Variants in MAST4 observed in about 807,000 individuals in gnomAD.
The protein encoded by MAST4 is microtubule-associated serine/threonine-protein kinase 4.
Under a neutral mutation model 162.7 loss-of-function variants are expected in MAST4, and 89 were observed. That is an observed-to-expected ratio of 0.55 (90% CI 0.46 to 0.65). The LOEUF (loss-of-function observed/expected upper bound fraction) is 0.65. MAST4 is among the 30% of genes least tolerant of loss of function. MAST4 has a pLI of 0.00. For missense variants in MAST4, 3,153 were observed against 3,374.0 expected (o/e 0.93, Z 1.62); for synonymous variants, 1,479 against 1,361.1 (o/e 1.09, Z -1.91).
At chr5:66,843,425 T>C (rs1267698313) in intron 3 of MAST4, among the ~76,000 whole-genome samples, 5 of 152,176 alleles carry the variant, frequency 3.3e-5, no homozygotes, top group Admixed American at 2.0e-4. Context: ...TTCAGAATCC[T>C]TTTTTTCTCT....
At chr5:66,973,778 C>T (rs1272935492) in intron 4 of MAST4, among the ~76,000 whole-genome samples, 1 of 152,134 alleles carries the variant, frequency 6.6e-6, no homozygotes, top group Non-Finnish European at 1.5e-5. Flanking sequence ...CCTCCTTTCT[C>T]TCCCTTCATT....
chr5:66,997,440 T>A (rs1349238120), intron 4 of MAST4, among the ~76,000 whole-genome samples: 1 of 150,884 alleles, frequency 6.6e-6, no homozygotes, highest in African/African-American at 2.4e-5. Context: ...TCTCTTTTTT[T>A]TTTTTTTTTG....
At chr5:66,844,378 T>C (rs1286269163) in intron 3 of MAST4, among the ~76,000 whole-genome samples, 1 of 152,158 alleles carries the variant, frequency 6.6e-6, no homozygotes, top group Non-Finnish European at 1.5e-5. Context: ...GTTGATTTCT[T>C]GGAGCATCTT....
intron 1 of MAST4, among the ~76,000 whole-genome samples, chr5:66,603,374 G>T: frequency 6.6e-6 from 1 of 150,978 alleles, no homozygotes; most frequent in Middle Eastern, 3.4e-3. Context: ...ATTACTAGCT[G>T]CACCCAGAGA....
chr5:67,082,263 C>T (rs1236933960), intron 5 of MAST4, among the ~76,000 whole-genome samples: 26 of 151,874 alleles, frequency 1.7e-4, no homozygotes. Flanking sequence ...ATTCTTCTGC[C>T]TCAGCCTCCT....
intron 3 of MAST4, among the ~76,000 whole-genome samples, chr5:66,877,918 A>G (rs1761413351): frequency 6.6e-6 from 1 of 152,240 alleles, no homozygotes; most frequent in South Asian, 2.1e-4. Flanking sequence ...TGAAATTGCT[A>G]GAGGTATCAG....
intron 5 of MAST4, among the ~76,000 whole-genome samples, chr5:67,069,287 G>GAGATATATATATATATATATATATAT (rs138978370): frequency 2.8e-5 from 3 of 107,634 alleles, no homozygotes; most frequent in African/African-American, 1.2e-4. Context: ...GAGGAGATTG[G>GAGATATATATATATATATATATATAT]ATATATATAT....
chr5:66,837,890 ATATATTTTTTTTT>A (rs1363119590), intron 3 of MAST4, among the ~76,000 whole-genome samples: 54 of 28,056 alleles, frequency 1.9e-3, no homozygotes, highest in African/African-American at 8.5e-3. Context: ...ATATATATAT[ATATATTTTTTTTT>A]TTTTTTTTTT....
intron 4 of MAST4, among the ~76,000 whole-genome samples, chr5:67,032,504 A>C (rs752175217): frequency 2.6e-5 from 4 of 152,154 alleles, no homozygotes; most frequent in Admixed American, 6.6e-5. Context: ...TGCAGTGCCT[A>C]GTAGGAGAGC....
At chr5:66,667,889 A>G (rs1747362815) in intron 1 of MAST4, among the ~76,000 whole-genome samples, 1 of 152,214 alleles carries the variant, frequency 6.6e-6, no homozygotes, top group Non-Finnish European at 1.5e-5. Context: ...AAAAATATTA[A>G]GGGCCAGGGT....
intron 4 of MAST4, among the ~76,000 whole-genome samples, chr5:66,959,585 G>A (rs1745748883): frequency 6.6e-6 from 1 of 152,180 alleles, no homozygotes; most frequent in Non-Finnish European, 1.5e-5. Context: ...GTAGGCCATG[G>A]TGTATCTGTC....
chr5:67,048,555 T>C (rs2150524362), intron 4 of MAST4, among the ~76,000 whole-genome samples: 1 of 152,162 alleles, frequency 6.6e-6, no homozygotes, highest in South Asian at 2.1e-4. Context: ...TAGATATACA[T>C]AAATAGTCAG....
At chr5:66,910,729 G>GTTTTTTTTTTTCTT (rs527937970) in intron 4 of MAST4, among the ~76,000 whole-genome samples, 1 of 112,816 alleles carries the variant, frequency 8.9e-6, no homozygotes, top group Non-Finnish European at 1.7e-5. Flanking sequence ...TACACATGTG[G>GTTTTTTTTTTTCTT]TTTTTTTTTT....
At chr5:66,738,013 C>T (rs1257813096) in intron 1 of MAST4, 1 of 152,202 alleles carries the variant, frequency 6.6e-6, no homozygotes, top group Non-Finnish European at 1.5e-5. Flanking sequence ...CCTCAGAACT[C>T]ATTATGCTGG....
intron 4 of MAST4, among the ~76,000 whole-genome samples, chr5:66,926,720 G>GT (rs970742932): frequency 1.2e-4 from 18 of 151,784 alleles, no homozygotes; most frequent in Admixed American, 3.3e-4. Context: ...TACATTGATA[G>GT]TTTTTTGTTG....
intron 4 of MAST4, among the ~76,000 whole-genome samples, chr5:66,905,473 A>C (rs1763296117): frequency 6.6e-6 from 1 of 152,174 alleles, no homozygotes; most frequent in South Asian, 2.1e-4. Flanking sequence ...TGCTTATTTT[A>C]ATTAACTGAT....
In MAST4 at chr5:67,134,707, T is replaced by G. The variant is rs1187678299; in HGVS notation, c.2392+19T>G. ...ATCAGTGGTAAATATCATCAGGAGT[T>G]ATCTTTAGGTCACTGTTGGGAAGCA... On this transcript the variant is annotated intron_variant, in intron 18 of 28. Coordinates refer to ENST00000403625, the MANE Select transcript of MAST4 (RefSeq NM_001164664.2). 3.8e-6 allele frequency: 6 copies of G among 1,596,260 alleles called. No individual in the cohort carries two copies. The highest frequency in any genetic ancestry group is 1.7e-5 in the Admixed American group (1 of 59,074).
chr5:67,155,580 C>T (rs1427296893), intron 26 of MAST4, among the ~76,000 whole-genome samples: 4 of 152,110 alleles, frequency 2.6e-5, no homozygotes, highest in African/African-American at 9.7e-5. Flanking sequence ...TTTAAATCCC[C>T]AATGCATAGG....
intron 1 of MAST4, among the ~76,000 whole-genome samples, chr5:66,692,890 G>A (rs991986241): frequency 7.2e-5 from 11 of 151,862 alleles, no homozygotes; most frequent in Non-Finnish European, 1.6e-4. Flanking sequence ...CAGCTAAGAA[G>A]AAAAGAGAAG....
Sources: allele counts gnomAD v4.1 joint callset (sites outside exome capture counted in the v4.1 genomes callset), GRCh38; gene constraint gnomAD v4.1.1; transcripts MANE v1.5; gene names NCBI Gene and HGNC (gene_info 2026-07-23, HGNC 2026-07-21).